MCTP1: variants seen among roughly 807,000 people sequenced by gnomAD.
MCTP1 encodes multiple C2 and transmembrane domain-containing protein 1.
In MCTP1, 69 loss-of-function variants were observed where a neutral mutation model predicts 120.6. The ratio of observed to expected loss-of-function variants is 0.57; its 90% CI spans 0.47 to 0.70. MCTP1 has a LOEUF of 0.70. Ranked by LOEUF, MCTP1 falls within the 30% of genes least tolerant of loss-of-function variation. The probability of loss-of-function intolerance (pLI) is 0.00; values close to 1 mark genes in which losing one functional copy is unlikely to be tolerated. For synonymous variants in MCTP1, 529 were observed against 493.1 expected, an observed-to-expected ratio of 1.07 and a Z score of -0.96; for missense variants, 1,203 against 1,248.8, an observed-to-expected ratio of 0.96 and a Z score of 0.55.
intron 1 of MCTP1, among the ~76,000 whole-genome samples, chr5:95,181,536 C>T (rs1285466883): frequency 6.6e-6 from 1 of 152,096 alleles, no homozygotes; most frequent in Non-Finnish European, 1.5e-5. Flanking sequence ...TCTTCATTTT[C>T]CTTCATAAAA....
intron 7 of MCTP1, among the ~76,000 whole-genome samples, chr5:94,922,997 C>CAAAAAAAAAAAAAAAAAAAAAAAAGA (rs1812081319): frequency 1.0e-5 from 1 of 99,548 alleles, no homozygotes; most frequent in Non-Finnish European, 2.0e-5. Context: ...TAAAAAGCTG[C>CAAAAAAAAAAAAAAAAAAAAAAAAGA]AAAAAAAAAA....
At chr5:94,804,806 T>C (rs904966651) in intron 17 of MCTP1, among the ~76,000 whole-genome samples, 4 of 152,236 alleles carry the variant, frequency 2.6e-5, no homozygotes, top group Non-Finnish European at 4.4e-5. Flanking sequence ...TAAGTCAATA[T>C]GATCATTGCT....
At chr5:94,771,428 T>C (rs1774050795) in intron 19 of MCTP1, among the ~76,000 whole-genome samples, 1 of 152,192 alleles carries the variant, frequency 6.6e-6, no homozygotes, top group Admixed American at 6.5e-5. Flanking sequence ...GAAGTAAAAT[T>C]CTTCAGCTGA....
chr5:94,866,925 T>G (rs1034744145), intron 17 of MCTP1, among the ~76,000 whole-genome samples: 1 of 151,890 alleles, frequency 6.6e-6, no homozygotes, highest in African/African-American at 2.4e-5. Context: ...GCATTTCTGG[T>G]CTTTTCAAAT....
chr5:95,258,171 TGAATA>T (rs1758091335), intron 1 of MCTP1, among the ~76,000 whole-genome samples: 1 of 152,178 alleles, frequency 6.6e-6, no homozygotes, highest in Non-Finnish European at 1.5e-5. Context: ...GGTAAAGTGC[TGAATA>T]ACTTTACAGT....
At chr5:95,085,440 T>C (rs1013863359) in intron 1 of MCTP1, among the ~76,000 whole-genome samples, 9 of 148,474 alleles carry the variant, frequency 6.1e-5, no homozygotes, top group African/African-American at 2.0e-4. Flanking sequence ...CTTCTTAAGA[T>C]TTACATGTGG....
intron 1 of MCTP1, among the ~76,000 whole-genome samples, chr5:95,049,799 C>T (rs1269732340): frequency 2.0e-5 from 3 of 152,128 alleles, no homozygotes; most frequent in African/African-American, 7.2e-5. Flanking sequence ...AATCTACTTC[C>T]CTTATCTCAC....
chr5:95,262,257 A>G (rs1183388719), intron 1 of MCTP1, among the ~76,000 whole-genome samples: 1 of 152,110 alleles, frequency 6.6e-6, no homozygotes, highest in African/African-American at 2.4e-5. Flanking sequence ...CCACAGACAC[A>G]TTTTTTTGAT....
Position 95,284,679 on chromosome 5 carries a change from T to TGGCGGCGGC in MCTP1, c.-113_-105dup, listed in dbSNP as rs71910468. On this transcript the variant is annotated 5_prime_UTR_variant, in exon 1 of 23. Transcript: ENST00000515393. The surrounding 1 kb of genome is among the most constrained non-coding windows in gnomAD (Gnocchi z 5.2). ...TCCCGGGTCCCCGCGGCGCTGGCGG[T>TGGCGGCGGC]GGCGGCGGCGGCGGCGGCGGGCGCA... 1.8e-4 allele frequency: 179 copies of TGGCGGCGGC among 980,658 alleles called. 1 individual carries two copies. The highest frequency in any genetic ancestry group is 2.1e-4 in the Non-Finnish European group (153 of 729,230). 60.7% of individuals were successfully genotyped at this position (980,658 alleles called of 1,614,324 possible).
chr5:94,991,920 A>G (rs1831636903), intron 2 of MCTP1, among the ~76,000 whole-genome samples: 1 of 152,192 alleles, frequency 6.6e-6, no homozygotes, highest in Admixed American at 6.6e-5. Flanking sequence ...AAATACATGA[A>G]TGAATGTATG....
At chr5:95,154,163 C>T (rs2152462573) in intron 1 of MCTP1, 1 of 152,296 alleles carries the variant, frequency 6.6e-6, no homozygotes, top group Admixed American at 6.5e-5. Context: ...TTGTGCTCAT[C>T]TTGTCACACT....
chr5:94,931,484 G>A (rs1380476025), intron 6 of MCTP1: 1 of 152,688 alleles, frequency 6.5e-6, no homozygotes, highest in Non-Finnish European at 1.5e-5. Context: ...ATTTCTTAAA[G>A]TGAGAAGAGA....
intron 3 of MCTP1, among the ~76,000 whole-genome samples, chr5:94,947,854 T>C (rs1337212172): frequency 6.6e-6 from 1 of 150,758 alleles, no homozygotes; most frequent in Non-Finnish European, 1.5e-5. Flanking sequence ...CCTCCTGAGT[T>C]CAAGCGATCC....
intron 19 of MCTP1, among the ~76,000 whole-genome samples, chr5:94,721,394 C>T (rs1229180277): frequency 1.3e-5 from 2 of 152,244 alleles, no homozygotes; most frequent in East Asian, 1.9e-4. Context: ...TGATTATTGG[C>T]TAAGGATTTT....
intron 17 of MCTP1, among the ~76,000 whole-genome samples, chr5:94,846,636 G>A (rs941406547): frequency 6.6e-6 from 1 of 152,038 alleles, no homozygotes; most frequent in Non-Finnish European, 1.5e-5. Context: ...AAACCTACAC[G>A]TCACCCTAAA....
At chr5:94,836,287 T>C (rs1224908316) in intron 17 of MCTP1, among the ~76,000 whole-genome samples, 1 of 151,474 alleles carries the variant, frequency 6.6e-6, no homozygotes, top group African/African-American at 2.4e-5. Flanking sequence ...CTGCACTGTG[T>C]CACTGAGAAG....
At chr5:95,027,430 A>G (rs1839461983) in intron 1 of MCTP1, among the ~76,000 whole-genome samples, 1 of 152,218 alleles carries the variant, frequency 6.6e-6, no homozygotes, top group Non-Finnish European at 1.5e-5. Flanking sequence ...AATGAATTTC[A>G]GAGAGAAGAA....
At chr5:94,811,666 T>C (rs1035967923) in intron 17 of MCTP1, among the ~76,000 whole-genome samples, 1 of 152,236 alleles carries the variant, frequency 6.6e-6, no homozygotes, top group Non-Finnish European at 1.5e-5. Flanking sequence ...TGCATGTCTA[T>C]GGTGTTGATG....
chr5:94,708,711 C>T (rs1755596349), intron 21 of MCTP1, 102 bp from the exon 22 acceptor site: 1 of 651,756 alleles, frequency 1.5e-6, no homozygotes, highest in Non-Finnish European at 2.7e-6. Flanking sequence ...CCAATACACC[C>T]AGTTTTTTCC....
Sources: allele counts gnomAD v4.1 joint callset (sites outside exome capture counted in the v4.1 genomes callset), GRCh38; gene constraint gnomAD v4.1.1; non-coding constraint Gnocchi (gnomAD v3.1); transcripts MANE v1.5; gene names NCBI Gene and HGNC (gene_info 2026-07-23, HGNC 2026-07-21).